Variants in LYPLA1 observed in about 807,000 individuals in gnomAD.
LYPLA1 encodes lysophospholipase 1.
In LYPLA1, 17 loss-of-function variants were observed where a neutral mutation model predicts 34.0. The ratio of observed to expected loss-of-function variants is 0.50; its 90% CI spans 0.34 to 0.75. LYPLA1 has a LOEUF of 0.75. Ranked by LOEUF, LYPLA1 falls within the 30% of genes least tolerant of loss-of-function variation. The pLI, the probability that LYPLA1 is intolerant of heterozygous loss-of-function variation, is 0.01. For missense variants in LYPLA1, 203 were observed against 288.8 expected, an observed-to-expected ratio of 0.70 and a Z score of 2.15; for synonymous variants, 98 against 100.8, an observed-to-expected ratio of 0.97 and a Z score of 0.17.
chr8:54,067,341 A>G (rs531706561), intron 2 of LYPLA1, among the ~76,000 whole-genome samples: 1 of 152,280 alleles, frequency 6.6e-6, no homozygotes, highest in East Asian at 1.9e-4. Context: ...AGAAAACTTA[A>G]GAAAAAAAAA....
chr8:54,069,971 C>T (rs140710261), intron 2 of LYPLA1, among the ~76,000 whole-genome samples: 198 of 152,220 alleles, frequency 1.3e-3, no homozygotes, highest in African/African-American at 4.1e-3. Flanking sequence ...GAATGGTTAT[C>T]GTAAAAATGA....
At chr8:54,052,016 A>G (rs1586073426) in intron 7 of LYPLA1, among the ~76,000 whole-genome samples, 1 of 151,730 alleles carries the variant, frequency 6.6e-6, no homozygotes, top group African/African-American at 2.4e-5. Flanking sequence ...ACGCCCAGCT[A>G]ATTTCTGTAT....
In LYPLA1 at chr8:54,092,736, C is replaced by T. The variant is rs772882195; in HGVS notation, c.101+8172G>A. On this transcript the variant is annotated intron_variant, in intron 2 of 8. Coordinates refer to ENST00000316963, the MANE Select transcript of LYPLA1 (RefSeq NM_006330.4). ...GTGGCTCACACCTGTAATGCCAGCA[C>T]TTTGGGAAGCCAAGGTGGACAGACT... Among the ~76,000 whole-genome samples, 16 of 152,278 alleles carry T rather than the reference C, an allele frequency of 1.1e-4. 1 individual carries two copies. The highest frequency in any genetic ancestry group is 3.8e-4 in the African/African-American group (16 of 41,562).
intron 2 of LYPLA1, among the ~76,000 whole-genome samples, chr8:54,077,982 ACT>A (rs1219571322): frequency 6.6e-6 from 1 of 152,030 alleles, no homozygotes; most frequent in Non-Finnish European, 1.5e-5. Flanking sequence ...ACAGAGTCTT[ACT>A]CTGTCACCCA....
chr8:54,101,214 A>G, intron 1 of LYPLA1: 3 of 612,824 alleles, frequency 4.9e-6, no homozygotes, highest in Non-Finnish European at 7.1e-6. Context: ...TAAGAAAAAC[A>G]GTTTATCTCT....
intron 2 of LYPLA1, among the ~76,000 whole-genome samples, chr8:54,086,399 G>A (rs1331195208): frequency 1.0e-4 from 11 of 107,540 alleles, no homozygotes; most frequent in Non-Finnish European, 1.3e-4. Flanking sequence ...CCCCCTCTCC[G>A]AGAAACACCC....
chr8:54,049,704 C>T (rs947769027), intron 8 of LYPLA1, among the ~76,000 whole-genome samples: 13 of 152,140 alleles, frequency 8.5e-5, no homozygotes, highest in African/African-American at 3.1e-4. Flanking sequence ...TTCTTCCTCC[C>T]TCCTTCCACT....
chr8:54,048,378 T>G (rs1028461296), intron 8 of LYPLA1, among the ~76,000 whole-genome samples: 1 of 152,068 alleles, frequency 6.6e-6, no homozygotes, highest in African/African-American at 2.4e-5. Context: ...TATAAGACAC[T>G]GGGGGGCAGG....
intron 2 of LYPLA1, among the ~76,000 whole-genome samples, chr8:54,075,523 ATCAAGAAGCTG>A (rs1807828407): frequency 1.3e-5 from 2 of 152,206 alleles, no homozygotes; most frequent in Non-Finnish European, 2.9e-5. Context: ...CTGGGGACAG[ATCAAGAAGCTG>A]TCACAGACGG....
At position 54,072,025 on chromosome 8, in the gene LYPLA1, T is replaced by C. The variant is rs186729679; in HGVS notation, c.102-6212A>G. Among the ~76,000 whole-genome samples the C allele has an allele frequency of 4.1e-3, 618 of 152,110 alleles. 4 individuals are homozygous for C. Among genetic ancestry groups the C allele is most frequent in the African/African-American group, 0.014 (589 of 41,466 alleles). ...AATAACCAAAACAGCATGGTACTGG[T>C]ACAAAAACAGACACATAGACCAATC... On this transcript the variant is annotated intron_variant, in intron 2 of 8. Coordinates refer to ENST00000316963, the MANE Select transcript of LYPLA1 (RefSeq NM_006330.4).
chr8:54,085,077 T>A (rs1475214034), intron 2 of LYPLA1, among the ~76,000 whole-genome samples: 1 of 152,124 alleles, frequency 6.6e-6, no homozygotes, highest in African/African-American at 2.4e-5. Context: ...ACTGCCGCCA[T>A]CTCGGCTCAC....
At position 54,067,426 on chromosome 8, in the gene LYPLA1, G is replaced by C. The variant is rs142817076; in HGVS notation, c.102-1613C>G. 5.2e-3 allele frequency among the ~76,000 whole-genome samples: 797 copies of C among 152,224 alleles called. 16 individuals carry two copies. Among genetic ancestry groups the C allele is most frequent in the East Asian group, 0.037 (190 of 5,184 alleles). On this transcript the variant is annotated intron_variant, in intron 2 of 8. Coordinates refer to ENST00000316963, the MANE Select transcript of LYPLA1 (RefSeq NM_006330.4). The stretch of plus-strand genomic sequence containing the variant: ...ACATACACGTTCAAAGCAGAACATG[G>C]AATAATTGAAAAATTATAAATAATC...
intron 5 of LYPLA1, 44 bp downstream of exon 5, chr8:54,062,209 AC>A: frequency 7.5e-7 from 1 of 1,338,604 alleles, no homozygotes; most frequent in Non-Finnish European, 1.1e-6. Flanking sequence ...TCTACTAAAA[AC>A]ATTTAAGAAC....
chr8:54,086,382 GCCAAATCCCCCTCTCCGAGAAACAC>G (rs1487461941), intron 2 of LYPLA1, among the ~76,000 whole-genome samples: 1 of 133,904 alleles, frequency 7.5e-6, no homozygotes, highest in Non-Finnish European at 1.5e-5. Flanking sequence ...CTATGACCCT[GCCAAATCCCCCTCTCCGAGAAACAC>G]CCAAGAATGA....
At chr8:54,051,684 T>C (rs1164319604) in intron 7 of LYPLA1, among the ~76,000 whole-genome samples, 1 of 151,956 alleles carries the variant, frequency 6.6e-6, no homozygotes, top group Non-Finnish European at 1.5e-5. Flanking sequence ...CTCCTGACCT[T>C]GTGATCCACC....
intron 8 of LYPLA1, among the ~76,000 whole-genome samples, chr8:54,049,774 A>G: frequency 6.6e-6 from 1 of 152,104 alleles, no homozygotes; most frequent in Non-Finnish European, 1.5e-5. Context: ...CCTGTTTACC[A>G]AAACTTTTTT....
chr8:54,048,537 C>T (rs949225400), intron 8 of LYPLA1, among the ~76,000 whole-genome samples: 1 of 152,178 alleles, frequency 6.6e-6, no homozygotes, highest in African/African-American at 2.4e-5. Context: ...CTGTGTCTTT[C>T]ATAAAGAATT....
intron 2 of LYPLA1, among the ~76,000 whole-genome samples, chr8:54,095,675 G>A (rs1434784360): frequency 6.6e-6 from 1 of 151,848 alleles, no homozygotes; most frequent in Non-Finnish European, 1.5e-5. Context: ...TAGTGTTACT[G>A]TCAAAAAGGT....
At chr8:54,067,633 A>G (rs1189088055) in intron 2 of LYPLA1, among the ~76,000 whole-genome samples, 1 of 152,096 alleles carries the variant, frequency 6.6e-6, no homozygotes, top group East Asian at 1.9e-4. Flanking sequence ...TATCTCTACT[A>G]AAGAATAAAG....
Sources: allele counts gnomAD v4.1 joint callset (sites outside exome capture counted in the v4.1 genomes callset), GRCh38; gene constraint gnomAD v4.1.1; transcripts MANE v1.5; gene names NCBI Gene and HGNC (gene_info 2026-07-23, HGNC 2026-07-21).